The following ZFPM1 variants were observed in gnomAD, a reference collection of about 807,000 sequenced individuals.
ZFPM1 encodes the protein zinc finger protein, FOG family member 1, also known as zinc finger protein ZFPM1.
ZFPM1 carries 28 observed loss-of-function variants against 46.3 expected under a neutral mutation model. The ratio of observed to expected loss-of-function variants is 0.60; its 90% CI spans 0.45 to 0.83. The LOEUF is 0.83. ZFPM1 is among the 40% of genes least tolerant of loss of function. The probability of loss-of-function intolerance (pLI) is 0.00; values close to 1 mark genes in which losing one functional copy is unlikely to be tolerated. For missense variants in ZFPM1, 1,878 were observed against 1,432.4 expected, an observed-to-expected ratio of 1.31 and a Z score of -5.02; for synonymous variants, 957 against 675.9, an observed-to-expected ratio of 1.42 and a Z score of -6.45.
chr16:88,470,142 C>T (rs2142353147), intron 1 of ZFPM1, among the ~76,000 whole-genome samples: 1 of 152,308 alleles, frequency 6.6e-6, no homozygotes, highest in Non-Finnish European at 1.5e-5. Flanking sequence ...TTGTCCTGGG[C>T]AAAGGCCCCT....
chr16:88,502,069 T>TGCCC (rs1567541890), intron 3 of ZFPM1, among the ~76,000 whole-genome samples: 2 of 55,378 alleles, frequency 3.6e-5, no homozygotes, highest in Non-Finnish European at 8.5e-5. Flanking sequence ...CCCCCCCATT[T>TGCCC]ATTTATTTAT....
intron 3 of ZFPM1, among the ~76,000 whole-genome samples, chr16:88,513,946 A>G (rs1315095359): frequency 6.6e-6 from 1 of 152,228 alleles, no homozygotes; most frequent in Non-Finnish European, 1.5e-5. Flanking sequence ...ATTGATCTCA[A>G]GAGCCTTAAT....
At chr16:88,500,179 C>A (rs1301604622) in intron 3 of ZFPM1, among the ~76,000 whole-genome samples, 1 of 152,182 alleles carries the variant, frequency 6.6e-6, no homozygotes, top group Non-Finnish European at 1.5e-5. Flanking sequence ...CCTACCGGCC[C>A]CTCCCAGACA....
intron 3 of ZFPM1, among the ~76,000 whole-genome samples, chr16:88,496,196 C>T (rs1909921661): frequency 6.6e-6 from 1 of 152,150 alleles, no homozygotes; most frequent in African/African-American, 2.4e-5. Context: ...CCTGCCTGGC[C>T]TCCTGGAAGG....
chr16:88,519,098 GTGGGTGGA>G (rs1490635039), intron 4 of ZFPM1, among the ~76,000 whole-genome samples: 25 of 135,712 alleles, frequency 1.8e-4, no homozygotes, highest in African/African-American at 6.8e-4. Flanking sequence ...GGCTGAGAGT[GTGGGTGGA>G]TGGGTGGATG....
At chr16:88,479,328 C>T (rs554899073) in intron 1 of ZFPM1, among the ~76,000 whole-genome samples, 3 of 152,218 alleles carry the variant, frequency 2.0e-5, no homozygotes, top group African/African-American at 7.2e-5. Flanking sequence ...GAGAGATGCT[C>T]CTAGCTGGGC....
At chr16:88,457,659 A>AT (rs1907618141) in intron 1 of ZFPM1, among the ~76,000 whole-genome samples, 1 of 151,674 alleles carries the variant, frequency 6.6e-6, no homozygotes, top group South Asian at 2.1e-4. Flanking sequence ...CTTAGTTAAA[A>AT]TTTTTTTACA....
In ZFPM1 at chr16:88,469,943, A is replaced by G. The variant is rs1908337279; in HGVS notation, c.41-15996A>G. ...TCCCCACGCAGCCCTCCCAGTCTGCAGAGGGGTCTCCACACATGCAGGCAG... is the reference window on the plus strand; with the variant it reads ...TCCCCACGCAGCCCTCCCAGTCTGCGGAGGGGTCTCCACACATGCAGGCAG... On this transcript the variant is annotated intron_variant, in intron 1 of 9. Coordinates refer to ENST00000319555, the MANE Select transcript of ZFPM1 (RefSeq NM_153813.3). This position sits in a 1 kb window ranked among gnomAD's most constrained non-coding sequence, Gnocchi z 4.3. 6.6e-6 allele frequency among the ~76,000 whole-genome samples: 1 copy of G among 152,110 alleles called. No individual in the cohort carries two copies. The highest frequency in any genetic ancestry group is 1.5e-5 in the Non-Finnish European group (1 of 68,008).
chr16:88,458,053 C>G (rs1907635769), intron 1 of ZFPM1, among the ~76,000 whole-genome samples: 1 of 152,308 alleles, frequency 6.6e-6, no homozygotes, highest in Admixed American at 6.5e-5. Context: ...TAAAGCAGGT[C>G]CTCTTCTGAT....
At chr16:88,475,428 G>A (rs1225893029) in intron 1 of ZFPM1, among the ~76,000 whole-genome samples, 12 of 152,146 alleles carry the variant, frequency 7.9e-5, no homozygotes, top group Admixed American at 6.5e-4. Flanking sequence ...AGGCCAGCAA[G>A]GGGAGAGACC....
At chr16:88,472,496 G>T (rs1330646095) in intron 1 of ZFPM1, among the ~76,000 whole-genome samples, 1 of 151,682 alleles carries the variant, frequency 6.6e-6, no homozygotes, top group Middle Eastern at 3.2e-3. Flanking sequence ...TGGGACTATA[G>T]GCGCCTGCCA....
Position 88,528,017 on chromosome 16 carries a change from C to A in ZFPM1, c.506-15C>A, listed in dbSNP as rs778506526. ...GGGCACAAAGTCCTAGGTTTGGACACCTGTCTCCCTCCAGATGACGCACTC... is the reference window on the plus strand; with the variant it reads ...GGGCACAAAGTCCTAGGTTTGGACAACTGTCTCCCTCCAGATGACGCACTC... On this transcript the variant is annotated splice_polypyrimidine_tract_variant and intron_variant, in intron 5 of 9. Coordinates refer to ENST00000319555, the MANE Select transcript of ZFPM1 (RefSeq NM_153813.3). 20 of 1,527,616 alleles carry A rather than the reference C, an allele frequency of 1.3e-5. No homozygotes were observed. Among genetic ancestry groups the A allele is most frequent in the Non-Finnish European group, 1.8e-5 (20 of 1,131,212 alleles). 94.6% of individuals were successfully genotyped at this position (1,527,616 alleles called of 1,614,324 possible).
intron 2 of ZFPM1, among the ~76,000 whole-genome samples, chr16:88,486,957 C>G (rs1909266696): frequency 6.6e-6 from 1 of 152,186 alleles, no homozygotes; most frequent in South Asian, 2.1e-4. Context: ...CGCAAGTGCC[C>G]TAGTGGGGGT....
At position 88,533,319 on chromosome 16, in the gene ZFPM1, A is replaced by G. The variant is rs753243152; in HGVS notation, c.1361A>G (p.Glu454Gly). The G allele has an allele frequency of 1.3e-6, 2 of 1,531,140 alleles. No individual in the cohort carries two copies. Among genetic ancestry groups the G allele is most frequent in the South Asian group, 2.4e-5 (2 of 83,550 alleles). 94.8% of individuals were successfully genotyped at this position (1,531,140 alleles called of 1,614,324 possible). A position where few individuals can be genotyped will look rare whatever the true frequency, so the allele number is the denominator to read the frequency against. ...EPLAQNGGSS[E>G]PPAAPRSIKV... The stretch of plus-strand genomic sequence containing the variant: ...CTGGCCCAGAATGGAGGCAGCAGCG[A>G]GCCCCCGGCGGCCCCCAGGAGCATC... The change falls in exon 10 of 10, where the codon GAG (glutamate) becomes GGG (glycine). Residue 454 changes from glutamate to glycine, a missense_variant. By Grantham distance (98) the Glu-to-Gly change is moderately conservative. Transcript: ENST00000319555.
At chr16:88,525,841 G>A (rs947759015) in intron 4 of ZFPM1, among the ~76,000 whole-genome samples, 15 of 152,220 alleles carry the variant, frequency 9.9e-5, no homozygotes, top group African/African-American at 3.6e-4. Context: ...CTGCCATTCA[G>A]CTGGGGGCCG....
intron 1 of ZFPM1, among the ~76,000 whole-genome samples, chr16:88,484,644 G>A (rs1425828363): frequency 6.6e-6 from 1 of 152,200 alleles, no homozygotes; most frequent in Non-Finnish European, 1.5e-5. Flanking sequence ...AGGCCTTGTG[G>A]AGTATGGGTG....
chr16:88,464,666 ATCAT>A (rs1908052270), intron 1 of ZFPM1, among the ~76,000 whole-genome samples: 1 of 152,250 alleles, frequency 6.6e-6, no homozygotes, highest in Non-Finnish European at 1.5e-5. Flanking sequence ...GCTCAAGCCG[ATCAT>A]TCCCATACCC....
Position 88,526,844 on chromosome 16 carries a change from G to A in ZFPM1, c.433G>A (p.Glu145Lys), listed in dbSNP as rs376512508. 2.2e-5 allele frequency: 35 copies of A among 1,556,812 alleles called. No individual in the cohort carries two copies. Among genetic ancestry groups the A allele is most frequent in the African/African-American group, 1.4e-4 (10 of 73,274 alleles). ...AGCCCTGACCCTGCTGCTGGTGGAC[G>A]AGGCCTGCTGGCTGAGGACGCTGCC... Reference protein sequence around the residue: ...SPALTLLLVDEACWLRTLPQA... With the variant: ...SPALTLLLVDKACWLRTLPQA... The change falls in exon 5 of 10, where the codon GAG becomes AAG. Residue 145 changes from glutamate (E) to lysine (K), a missense_variant. Coordinates refer to ENST00000319555, the MANE Select transcript of ZFPM1 (RefSeq NM_153813.3).
rs746474079 is a variant in ZFPM1, at chr16:88,489,011, C to T, written c.146-20C>T. ...TGCCCGGCACTCAGCAGGGATGTGA[C>T]GGTGTTTTCCTCTCTGCAGATGTTA... On this transcript the variant is annotated intron_variant, in intron 2 of 9. Transcript: ENST00000319555. 25 of 1,607,916 alleles carry T rather than the reference C, an allele frequency of 1.6e-5. No homozygotes were observed. Among genetic ancestry groups the T allele is most frequent in the East Asian group, 6.7e-5 (3 of 44,714 alleles).
Sources: allele counts gnomAD v4.1 joint callset (sites outside exome capture counted in the v4.1 genomes callset), GRCh38; gene constraint gnomAD v4.1.1; non-coding constraint Gnocchi (gnomAD v3.1); transcripts MANE v1.5; gene names NCBI Gene and HGNC (gene_info 2026-07-23, HGNC 2026-07-21).